CLTB: variants seen among roughly 807,000 people sequenced by gnomAD.
The protein encoded by CLTB is clathrin light chain B.
In CLTB, 10 loss-of-function variants were observed where a neutral mutation model predicts 30.5. The observed-to-expected ratio is 0.33, with a 90% CI of 0.20 to 0.56. The LOEUF is 0.56. CLTB is among the 20% of genes least tolerant of loss of function. The pLI is 0.91. For synonymous variants in CLTB, 102 were observed against 120.3 expected (o/e 0.85, Z 1.00); for missense variants, 261 against 308.3 (o/e 0.85, Z 1.15).
At chr5:176,394,950 C>A (rs1581422658) in intron 5 of CLTB, among the ~76,000 whole-genome samples, 1 of 152,186 alleles carries the variant, frequency 6.6e-6, no homozygotes, top group Non-Finnish European at 1.5e-5. Context: ...CCATGCCCAT[C>A]TGACATCCCC....
intron 1 of CLTB, among the ~76,000 whole-genome samples, chr5:176,413,513 T>C (rs1757549007): frequency 6.6e-6 from 1 of 152,202 alleles, no homozygotes; most frequent in African/African-American, 2.4e-5. Context: ...AGCACAGGCC[T>C]ACACCAGATA....
intron 4 of CLTB, among the ~76,000 whole-genome samples, chr5:176,397,353 C>A (rs531896367): frequency 3.0e-4 from 42 of 140,822 alleles, no homozygotes; most frequent in African/African-American, 1.1e-3. Flanking sequence ...CAGCCCCTCT[C>A]ATGTCCCCAC....
chr5:176,412,930 T>C (rs1757519166), intron 1 of CLTB, among the ~76,000 whole-genome samples: 1 of 152,124 alleles, frequency 6.6e-6, no homozygotes, highest in African/African-American at 2.4e-5. Context: ...TCTGTACATT[T>C]GGCCTTCTCG....
intron 1 of CLTB, among the ~76,000 whole-genome samples, chr5:176,411,912 T>G (rs141298624): frequency 6.6e-6 from 1 of 151,936 alleles, no homozygotes; most frequent in Non-Finnish European, 1.5e-5. Flanking sequence ...CGTGGTGGCT[T>G]ATGCCTGTAA....
chr5:176,404,535 C>G (rs1437995392), intron 2 of CLTB, among the ~76,000 whole-genome samples: 1 of 152,230 alleles, frequency 6.6e-6, no homozygotes, highest in Non-Finnish European at 1.5e-5. Context: ...TCTTCTGACT[C>G]CATCTAAACC....
Position 176,392,762 on chromosome 5 carries a change from C to A in CLTB, c.*12G>T. 1 of 1,613,422 alleles carries A rather than the reference C, an allele frequency of 6.2e-7. No individual in the cohort carries two copies. The highest frequency in any genetic ancestry group is 8.5e-7 in the Non-Finnish European group (1 of 1,179,842). ...CCAGCCCATGCTCTGTGGCCATGCA[C>A]CTAGCAGGCACCTAGCGGGACAGTG... On this transcript the variant is annotated 3_prime_UTR_variant, in exon 6 of 6. Transcript: ENST00000310418. This position sits in a 1 kb window ranked among gnomAD's most constrained non-coding sequence, Gnocchi z 5.2.
At position 176,392,817 on chromosome 5, in the gene CLTB, C is replaced by T. The variant is rs1756318775; in HGVS notation, c.647G>A (p.Arg216His). Residue 216 changes from arginine to histidine, a missense_variant, in exon 6 of 6, where the codon CGC becomes CAC. By Grantham distance (29) the Arg-to-His change is conservative. Around this residue, in one of 3 missense-constraint regions of CLTB, gnomAD observed 25 missense variants for 48.8 expected, o/e 0.51. Transcript: ENST00000310418. The surrounding 1 kb of genome is among the most constrained non-coding windows in gnomAD (Gnocchi z 5.2). ...CTGCTTCAGGGACATGAGCACCGAG[C>T]GCAGGCGGGACACATCTTTGCACTG... ...SKQCKDVSRL[R>H]SVLMSLKQTP... 6.8e-6 allele frequency: 11 copies of T among 1,614,110 alleles called. No homozygotes were observed. The highest frequency in any genetic ancestry group is 6.7e-5 in the Admixed American group (4 of 60,012).
chr5:176,404,159 G>A (rs1480653096), intron 2 of CLTB, among the ~76,000 whole-genome samples: 5 of 152,338 alleles, frequency 3.3e-5, no homozygotes, highest in African/African-American at 4.8e-5. Context: ...GAATTGCTGG[G>A]TGTGACTCGC....
In CLTB at chr5:176,416,184, C is replaced by T. The variant is rs1428124417; in HGVS notation, c.180G>A (p.Thr60=). 1.3e-6 allele frequency: 2 copies of T among 1,581,450 alleles called. No homozygotes were observed. Among genetic ancestry groups the T allele is most frequent in the Admixed American group, 3.5e-5 (2 of 56,788 alleles). ...SHAAPAQPGP[T]SGAGSEDMGT... is the part of the protein sequence containing the mutation. ...GGCCCCGCGCTGACTCACCCCCACTCGTGGGGCCCGGCTGCGCGGGGGCCG... is the reference window on the plus strand; with the variant it reads ...GGCCCCGCGCTGACTCACCCCCACTTGTGGGGCCCGGCTGCGCGGGGGCCG... Residue 60 remains threonine, a synonymous_variant, in exon 1 of 6, where the codon ACG becomes ACA. Transcript: ENST00000310418.
chr5:176,396,661 C>T (rs1421378834), intron 4 of CLTB, 129 bp from the exon 5 acceptor site: 1 of 751,712 alleles, frequency 1.3e-6, no homozygotes, highest in Admixed American at 2.0e-5. Flanking sequence ...TGTTAGGAAG[C>T]ATAGTTCTGG....
intron 2 of CLTB, among the ~76,000 whole-genome samples, chr5:176,399,894 AAG>A (rs1186826576): frequency 1.4e-5 from 2 of 147,696 alleles, no homozygotes; most frequent in Admixed American, 6.8e-5. Flanking sequence ...AAAAAAAAGA[AAG>A]AAAAATGGGA....
In CLTB at chr5:176,396,520, T is replaced by C. The variant is rs1040731033; in HGVS notation, c.477A>G (p.Lys159=). ...KNKINNRIAD[K]AFYQQPDADI... ...CAGCATCTGGCTGCTGGTAGAATGCTTTGTCAGCGATCCTTGAGGGAAAGG... is the reference window on the plus strand; with the variant it reads ...CAGCATCTGGCTGCTGGTAGAATGCCTTGTCAGCGATCCTTGAGGGAAAGG... The change falls in exon 5 of 6, where the codon AAA becomes AAG. Residue 159 remains lysine (K), a synonymous_variant. Coordinates refer to ENST00000310418, the MANE Select transcript of CLTB (RefSeq NM_007097.5). 6.2e-7 allele frequency: 1 copy of C among 1,613,686 alleles called. No individual in the cohort carries two copies. Among genetic ancestry groups the C allele is most frequent in the Admixed American group, 1.7e-5 (1 of 59,974 alleles).
chr5:176,398,142 C>G (rs1203983456), intron 2 of CLTB, 95 bp from the exon 3 acceptor site: 4 of 1,083,468 alleles, frequency 3.7e-6, no homozygotes, highest in African/African-American at 1.5e-5. Context: ...CTGGATAACT[C>G]AGCCTCAAAC....
At chr5:176,401,680 C>T (rs971090616) in intron 2 of CLTB, 34 of 454,672 alleles carry the variant, frequency 7.5e-5, no homozygotes, top group South Asian at 3.3e-4. Context: ...CTCACTCGCT[C>T]GCCTTGTGTT....
chr5:176,395,085 C>A (rs898399870), intron 5 of CLTB, among the ~76,000 whole-genome samples: 3 of 149,624 alleles, frequency 2.0e-5, no homozygotes, highest in Non-Finnish European at 4.4e-5. Context: ...CAGCTCCCAC[C>A]CATCCCCACC....
chr5:176,397,607 C>T lies in CLTB; in HGVS notation c.464G>A (p.Arg155Gln), dbSNP rs141594220. Residue 155 changes from arginine (R) to glutamine (Q), a missense_variant and splice_region_variant, in exon 4 of 6, where the codon CGG becomes CAG. Arg to Gln is a conservative substitution (Grantham distance 43, BLOSUM62 1). Transcript: ENST00000310418. ...CCTCATGTCCCTACAGCCCTCTCAC[C>T]GGTTGTTGATCTTGTTCTTCTCTAC... ...EQVEKNKINNRIADKAFYQQP... is the reference protein window; with the variant it reads ...EQVEKNKINNQIADKAFYQQP... 2.7e-5 allele frequency: 44 copies of T among 1,609,214 alleles called. No homozygotes were observed. Among genetic ancestry groups the T allele is most frequent in the Admixed American group, 1.2e-4 (7 of 59,624 alleles).
Position 176,393,410 on chromosome 5 carries a change from AG to A in CLTB, c.519-466del. ...GTAGGACACTGACTAACCATCTAAC[AG>A]AAGCACCTAGTTCAGCATTGCCTGA... is the stretch of plus-strand genomic sequence containing the variant. On this transcript the variant is annotated intron_variant, in intron 5 of 5. Coordinates refer to ENST00000310418, the MANE Select transcript of CLTB (RefSeq NM_007097.5). This position sits in a 1 kb window ranked among gnomAD's most constrained non-coding sequence, Gnocchi z 4.4. Among the ~76,000 whole-genome samples the A allele has an allele frequency of 6.6e-6, 1 of 152,346 alleles. No homozygotes were observed. The highest frequency in any genetic ancestry group is 2.1e-4 in the South Asian group (1 of 4,832).
At chr5:176,394,780 A>C (rs939880112) in intron 5 of CLTB, among the ~76,000 whole-genome samples, 1 of 151,388 alleles carries the variant, frequency 6.6e-6, no homozygotes, top group African/African-American at 2.4e-5. Flanking sequence ...ATGCCACTGC[A>C]CTCCAGCCTG....
intron 2 of CLTB, among the ~76,000 whole-genome samples, chr5:176,405,287 G>A (rs867498729): frequency 1.3e-5 from 2 of 152,050 alleles, no homozygotes; most frequent in African/African-American, 4.8e-5. Context: ...CCAGGAGCTC[G>A]AGACCAGCCT....
Sources: allele counts gnomAD v4.1 joint callset (sites outside exome capture counted in the v4.1 genomes callset), GRCh38; gene constraint gnomAD v4.1.1; regional missense constraint gnomAD v4.1.1; non-coding constraint Gnocchi (gnomAD v3.1); transcripts MANE v1.5; gene names NCBI Gene and HGNC (gene_info 2026-07-23, HGNC 2026-07-21).